SBF2: variants seen among roughly 807,000 people sequenced by gnomAD.
The protein encoded by SBF2 is SET binding factor 2, also known as myotubularin-related protein 13.
A neutral mutation model predicts 225.2 loss-of-function variants in SBF2; 112 were observed. The observed-to-expected ratio is 0.50, with a 90% confidence interval of 0.43 to 0.58. The LOEUF (loss-of-function observed/expected upper bound fraction) is 0.58, where lower values mean the gene tolerates loss of function less well. Among genes scored for constraint, SBF2 ranks in the 20% least tolerant of loss-of-function variants. SBF2 has a pLI of 0.00. For synonymous variants in SBF2, 763 were observed against 773.3 expected (o/e 0.99, Z 0.22); for missense variants, 1,996 against 2,206.2 (o/e 0.90, Z 1.91).
At chr11:10,056,732 C>G (rs536021662) in intron 2 of SBF2, among the ~76,000 whole-genome samples, 1 of 152,120 alleles carries the variant, frequency 6.6e-6, no homozygotes, top group East Asian at 1.9e-4. Flanking sequence ...CTCCAGCCAC[C>G]CTCGCCTGAG....
At chr11:9,808,841 T>A (rs1853998615) in intron 31 of SBF2, 60 bp downstream of exon 31, 1 of 1,288,000 alleles carries the variant, frequency 7.8e-7, no homozygotes, top group Non-Finnish European at 1.1e-6. Context: ...CTGAAGAATT[T>A]AAAAATGACC....
At chr11:9,915,182 C>T (rs1862971022) in intron 16 of SBF2, among the ~76,000 whole-genome samples, 1 of 152,122 alleles carries the variant, frequency 6.6e-6, no homozygotes, top group Non-Finnish European at 1.5e-5. Context: ...GGTGCAGTGG[C>T]TCACGCCTGT....
intron 2 of SBF2, among the ~76,000 whole-genome samples, chr11:10,173,970 C>A (rs1263354260): frequency 6.6e-6 from 1 of 151,994 alleles, no homozygotes; most frequent in African/African-American, 2.4e-5. Context: ...AGAAGGAAAA[C>A]TAACAAACAG....
chr11:9,886,937 G>A (rs1860371254), intron 17 of SBF2, among the ~76,000 whole-genome samples: 1 of 152,104 alleles, frequency 6.6e-6, no homozygotes, highest in Non-Finnish European at 1.5e-5. Context: ...GTAAGCGTGT[G>A]TATTTAAGGT....
chr11:10,025,588 G>T (rs1039017921), intron 6 of SBF2, among the ~76,000 whole-genome samples: 2 of 152,088 alleles, frequency 1.3e-5, no homozygotes, highest in South Asian at 2.1e-4. Flanking sequence ...CCTTCAAGCA[G>T]ATGTTATTTT....
chr11:9,865,718 G>GAAAT (rs1858157887), intron 17 of SBF2, among the ~76,000 whole-genome samples: 1 of 27,862 alleles, frequency 3.6e-5, no homozygotes, highest in East Asian at 7.9e-4. Context: ...AAAAAAAAAG[G>GAAAT]CGGGAGGCGT....
intron 17 of SBF2, among the ~76,000 whole-genome samples, chr11:9,871,470 C>CCTATTATTATTATTATTA (rs1554934598): frequency 7.3e-6 from 1 of 136,944 alleles, no homozygotes; most frequent in African/African-American, 2.7e-5. Context: ...CAGGATGACG[C>CCTATTATTATTATTATTA]TTATTATTAT....
chr11:9,903,470 T>C (rs1861887428), intron 16 of SBF2, among the ~76,000 whole-genome samples: 1 of 152,176 alleles, frequency 6.6e-6, no homozygotes, highest in Non-Finnish European at 1.5e-5. Flanking sequence ...TGATGGTGAA[T>C]CCATATGCGT....
chr11:9,973,201 C>T (rs1364543743), intron 13 of SBF2, among the ~76,000 whole-genome samples: 1 of 152,166 alleles, frequency 6.6e-6, no homozygotes, highest in African/African-American at 2.4e-5. Context: ...TCACTGTATT[C>T]TGCATATACT....
At chr11:10,253,510 C>G (rs1960573345) in intron 1 of SBF2, among the ~76,000 whole-genome samples, 1 of 152,116 alleles carries the variant, frequency 6.6e-6, no homozygotes, top group Non-Finnish European at 1.5e-5. Context: ...ATCCCTGATT[C>G]TGTGGAGAAA....
In SBF2 at chr11:9,853,696, C is replaced by T; in HGVS notation, c.2380G>A (p.Ala794Thr). The change falls in exon 20 of 40, where the codon GCT becomes ACT. Residue 794 changes from alanine (A) to threonine (T), a missense_variant. Coordinates refer to ENST00000256190, the MANE Select transcript of SBF2 (RefSeq NM_030962.4). ...CCACTCTCTGTATCATAGCTCTCAG[C>T]TACACTTCCTGCAATACTAAGACAG... Reference protein sequence around the residue: ...IVTNSIAGSVAESYDTESGFE... With the variant: ...IVTNSIAGSVTESYDTESGFE... 1 of 1,613,940 alleles carries T rather than the reference C, an allele frequency of 6.2e-7. No homozygotes were observed. The highest frequency in any genetic ancestry group is 1.1e-5 in the South Asian group (1 of 91,074).
At chr11:10,108,023 T>C (rs992579740) in intron 2 of SBF2, among the ~76,000 whole-genome samples, 10 of 152,196 alleles carry the variant, frequency 6.6e-5, no homozygotes, top group Admixed American at 2.0e-4. Flanking sequence ...ACTATCATGA[T>C]TGTGGTACTG....
intron 6 of SBF2, among the ~76,000 whole-genome samples, chr11:10,005,509 C>T (rs1948152225): frequency 6.6e-6 from 1 of 152,166 alleles, no homozygotes; most frequent in Non-Finnish European, 1.5e-5. Flanking sequence ...ACTTTACTTC[C>T]TTTCATTCCT....
intron 17 of SBF2, among the ~76,000 whole-genome samples, chr11:9,863,939 T>C (rs1857974592): frequency 6.6e-6 from 1 of 152,220 alleles, no homozygotes; most frequent in African/African-American, 2.4e-5. Context: ...GGTTTTATTC[T>C]ATCCCTTATT....
intron 1 of SBF2, among the ~76,000 whole-genome samples, chr11:10,221,616 G>A (rs962928727): frequency 6.6e-6 from 1 of 152,206 alleles, no homozygotes; most frequent in Non-Finnish European, 1.5e-5. Context: ...TGCTATGGCT[G>A]AGTAAGCACC....
intron 2 of SBF2, among the ~76,000 whole-genome samples, chr11:10,131,320 G>A (rs1465133089): frequency 6.6e-6 from 1 of 151,738 alleles, no homozygotes; most frequent in African/African-American, 2.4e-5. Context: ...TGACCTCCCA[G>A]GCTTAAGTAG....
chr11:10,171,233 G>C (rs1283334474), intron 2 of SBF2, among the ~76,000 whole-genome samples: 1 of 152,042 alleles, frequency 6.6e-6, no homozygotes, highest in African/African-American at 2.4e-5. Context: ...TAGAGGAAAG[G>C]CTTTCAGTTT....
At chr11:10,058,637 A>T (rs2079556979) in intron 2 of SBF2, among the ~76,000 whole-genome samples, 1 of 152,158 alleles carries the variant, frequency 6.6e-6, no homozygotes, top group South Asian at 2.1e-4. Context: ...TAGAGAGGCC[A>T]ATCAGTCAAA....
intron 16 of SBF2, among the ~76,000 whole-genome samples, chr11:9,898,627 TGCCATTGCAC>T (rs2134143514): frequency 6.6e-6 from 1 of 152,088 alleles, no homozygotes; most frequent in African/African-American, 2.4e-5. Context: ...ACTCAGATGG[TGCCATTGCAC>T]TCCAGCCTGG....
Sources: allele counts gnomAD v4.1 joint callset (sites outside exome capture counted in the v4.1 genomes callset), GRCh38; gene constraint gnomAD v4.1.1; transcripts MANE v1.5; gene names NCBI Gene and HGNC (gene_info 2026-07-23, HGNC 2026-07-21).